Variants in ACOXL observed in about 807,000 individuals in gnomAD.
ACOXL encodes the protein acyl-CoA oxidase like, also known as acyl-coenzyme A oxidase-like protein.
ACOXL carries 70 observed loss-of-function variants against 71.9 expected under a neutral mutation model. That is an observed-to-expected ratio of 0.97 (90% confidence interval 0.80 to 1.19). The LOEUF is 1.19. Among genes scored for constraint, ACOXL ranks in the 50% most tolerant of loss-of-function variants. The probability of loss-of-function intolerance (pLI) is 0.00; values close to 1 mark genes in which losing one functional copy is unlikely to be tolerated. For synonymous variants in ACOXL, 253 were observed against 281.6 expected, an observed-to-expected ratio of 0.90 and a Z score of 1.02; for missense variants, 703 against 736.3, an observed-to-expected ratio of 0.95 and a Z score of 0.52.
chr2:110,758,740 G>C (rs1385527744), intron 1 of ACOXL, among the ~76,000 whole-genome samples: 1 of 151,994 alleles, frequency 6.6e-6, no homozygotes, highest in African/African-American at 2.4e-5. Flanking sequence ...ATTGCTCTTG[G>C]TTCTCTTGTT....
At chr2:110,957,265 A>T (rs1321785311) in intron 12 of ACOXL, among the ~76,000 whole-genome samples, 1 of 151,976 alleles carries the variant, frequency 6.6e-6, no homozygotes, top group Non-Finnish European at 1.5e-5. Flanking sequence ...TGTAATGAAA[A>T]CCTAAGGTGC....
chr2:111,039,451 T>TGTTG (rs1387667411), intron 15 of ACOXL, among the ~76,000 whole-genome samples: 6 of 152,010 alleles, frequency 3.9e-5, no homozygotes, highest in Non-Finnish European at 8.8e-5. Context: ...ATACAATCGT[T>TGTTG]TAACAAGTTT....
chr2:110,896,773 C>T (rs1029942696), intron 10 of ACOXL, among the ~76,000 whole-genome samples: 1 of 152,154 alleles, frequency 6.6e-6, no homozygotes, highest in African/African-American at 2.4e-5. Flanking sequence ...GACCAATCTA[C>T]AGTTGTAGTA....
At chr2:110,892,000 AC>A (rs1230305446) in intron 10 of ACOXL, among the ~76,000 whole-genome samples, 1 of 152,248 alleles carries the variant, frequency 6.6e-6, no homozygotes, top group African/African-American at 2.4e-5. Context: ...AAGATCTTAC[AC>A]AAAAACTCAG....
intron 14 of ACOXL, among the ~76,000 whole-genome samples, chr2:111,007,522 G>T (rs1423546061): frequency 1.3e-5 from 2 of 152,168 alleles, no homozygotes; most frequent in Non-Finnish European, 1.5e-5. Flanking sequence ...CTTGCCAATT[G>T]TTCCAAGCAT....
chr2:110,888,115 T>C (rs1344544320), intron 10 of ACOXL: 2 of 152,252 alleles, frequency 1.3e-5, no homozygotes, highest in Non-Finnish European at 2.9e-5. Context: ...CAATACAATC[T>C]CAGGCATTTG....
rs1688543717 is a variant in ACOXL, at chr2:110,821,117, A to G, written c.753+15722A>G. Among the ~76,000 whole-genome samples, 3 of 152,124 alleles carry G rather than the reference A, an allele frequency of 2.0e-5. No homozygotes were observed. The South Asian group carries it at 6.2e-4, about 31-fold the overall frequency. The stretch of plus-strand genomic sequence containing the variant: ...CTTTGACCTCAAGCACAATCCACTA[A>G]AGCTGGGCTCTCAAAGCCCCTGGTT... On this transcript the variant is annotated intron_variant, in intron 9 of 17. Coordinates refer to ENST00000439055, the MANE Select transcript of ACOXL (RefSeq NM_001142807.4).
At chr2:111,040,833 G>A (rs2065747111) in intron 15 of ACOXL, among the ~76,000 whole-genome samples, 1 of 152,178 alleles carries the variant, frequency 6.6e-6, no homozygotes, top group Non-Finnish European at 1.5e-5. Context: ...TGGTCGGGGT[G>A]TAGGGCCAAT....
At chr2:110,748,877 C>T (rs1005197653) in intron 1 of ACOXL, among the ~76,000 whole-genome samples, 1 of 152,136 alleles carries the variant, frequency 6.6e-6, no homozygotes, top group Non-Finnish European at 1.5e-5. Flanking sequence ...ATTTTTTATT[C>T]TTGCCGTTTT....
intron 12 of ACOXL, among the ~76,000 whole-genome samples, chr2:110,941,393 C>T (rs184834967): frequency 9.2e-5 from 14 of 152,310 alleles, no homozygotes; most frequent in Non-Finnish European, 1.8e-4. Flanking sequence ...AGACACCGGA[C>T]GTCACTGGAC....
chr2:110,901,642 C>CCA (rs10537484), intron 10 of ACOXL, among the ~76,000 whole-genome samples: 9,404 of 147,030 alleles, frequency 0.064, 352 homozygotes, highest in South Asian at 0.098. Context: ...TATCTCTACG[C>CCA]CACACACACA....
chr2:110,742,255 T>C (rs1677642360), intron 1 of ACOXL, among the ~76,000 whole-genome samples: 1 of 152,224 alleles, frequency 6.6e-6, no homozygotes, highest in Non-Finnish European at 1.5e-5. Context: ...TCCTCCCAGG[T>C]CCAGCATCAA....
chr2:110,895,190 G>T (rs1310330112), intron 10 of ACOXL, among the ~76,000 whole-genome samples: 1 of 152,006 alleles, frequency 6.6e-6, no homozygotes, highest in African/African-American at 2.4e-5. Context: ...AATCTCAGCA[G>T]AAAATATAAA....
At chr2:111,049,421 C>A in intron 16 of ACOXL, 133 bp downstream of exon 16, 1 of 706,768 alleles carries the variant, frequency 1.4e-6, no homozygotes, top group Non-Finnish European at 2.4e-6. Flanking sequence ...ATAAGCTTGT[C>A]ATAGGCGAAT....
chr2:111,117,808 A>G lies in ACOXL; in HGVS notation c.1735A>G (p.Lys579Glu). Residue 579 changes from lysine (K) to glutamate (E), a missense_variant, in exon 18 of 18, where the codon AAG (lysine) becomes GAG (glutamate). Lys to Glu is a moderately conservative substitution (Grantham distance 56). Coordinates refer to ENST00000439055, the MANE Select transcript of ACOXL (RefSeq NM_001142807.4). The part of the protein sequence containing the change: ...ARSRRPKLGA[K>E]L The stretch of plus-strand genomic sequence containing the variant: ...CTCCCGGCGGCCCAAGCTGGGAGCC[A>G]AGCTCTAACGGGTGTGGCGGGAAGT... 1.3e-6 allele frequency: 2 copies of G among 1,548,664 alleles called. No individual in the cohort carries two copies. The highest frequency in any genetic ancestry group is 1.4e-5 in the African/African-American group (1 of 73,120).
chr2:110,764,170 A>G (rs2104938603), intron 1 of ACOXL, among the ~76,000 whole-genome samples: 1 of 152,354 alleles, frequency 6.6e-6, no homozygotes, highest in African/African-American at 2.4e-5. Context: ...GTATTTACCC[A>G]AAGGAATGGA....
At chr2:110,935,720 G>A (rs1276393627) in intron 12 of ACOXL, among the ~76,000 whole-genome samples, 2 of 152,212 alleles carry the variant, frequency 1.3e-5, no homozygotes, top group African/African-American at 2.4e-5. Flanking sequence ...GACACCAGAT[G>A]TGTGGCTTTT....
intron 1 of ACOXL, among the ~76,000 whole-genome samples, chr2:110,742,526 C>T (rs57166069): frequency 0.012 from 1,845 of 152,246 alleles, 42 homozygotes; most frequent in African/African-American, 0.042. Flanking sequence ...GATCCTGATG[C>T]CATTGGGTGG....
At chr2:110,901,975 C>T (rs1201302373) in intron 10 of ACOXL, among the ~76,000 whole-genome samples, 1 of 150,366 alleles carries the variant, frequency 6.7e-6, no homozygotes, top group Non-Finnish European at 1.5e-5. Context: ...TGCAGTGAGC[C>T]AAGATTGTGC....
Sources: gnomAD v4.1 joint callset for allele counts (sites outside exome capture counted in the v4.1 genomes callset) on GRCh38, gnomAD v4.1.1 for gene constraint, MANE v1.5 for transcripts, NCBI Gene and HGNC (gene_info 2026-07-23, HGNC 2026-07-21) for gene names.